Variants in SPOCK3 observed in about 807,000 individuals in gnomAD.
SPOCK3 encodes SPARC (osteonectin), cwcv and kazal like domains proteoglycan 3, also known as testican-3.
A neutral mutation model predicts 56.6 loss-of-function variants in SPOCK3; 30 were observed. The ratio of observed to expected loss-of-function variants is 0.53; its 90% CI spans 0.40 to 0.72. The LOEUF (loss-of-function observed/expected upper bound fraction) is 0.72. Ranked by LOEUF, SPOCK3 falls within the 30% of genes least tolerant of loss-of-function variation. The pLI is 0.00. For synonymous variants in SPOCK3, 196 were observed against 183.3 expected (o/e 1.07, Z -0.56); for missense variants, 527 against 530.0 (o/e 0.99, Z 0.06).
Position 167,234,084 on chromosome 4 carries a change from CCCGGCTGCAG to C in SPOCK3, c.80_89del (p.Ala27GlyfsTer51). ...GAAAATTACCGCCGTCCGACCGCCC[CCCGGCTGCAG>C]CCACCGCCGCGGCAGCTGCGAGAGA... is the stretch of plus-strand genomic sequence containing the variant. On this transcript the variant is annotated frameshift_variant, in exon 2 of 11. Coordinates refer to ENST00000357545, the MANE Select transcript of SPOCK3 (RefSeq NM_001040159.2). LOFTEE classifies it high-confidence loss of function. The C allele has an allele frequency of 6.2e-7, 1 of 1,613,934 alleles. No homozygotes were observed. The highest frequency in any genetic ancestry group is 8.5e-7 in the Non-Finnish European group (1 of 1,179,988).
chr4:166,879,209 A>G (rs1186763441), intron 6 of SPOCK3, among the ~76,000 whole-genome samples: 1 of 152,108 alleles, frequency 6.6e-6, no homozygotes, highest in Non-Finnish European at 1.5e-5. Flanking sequence ...CAGTTTCCTC[A>G]TGTTCCCAGC....
intron 2 of SPOCK3, among the ~76,000 whole-genome samples, chr4:167,098,850 T>G (rs1759389593): frequency 6.6e-6 from 1 of 152,046 alleles, no homozygotes; most frequent in African/African-American, 2.4e-5. Flanking sequence ...AAAAAGCCTC[T>G]CCAGATTCCC....
At chr4:167,166,617 G>T (rs778196148) in intron 2 of SPOCK3, among the ~76,000 whole-genome samples, 1 of 152,082 alleles carries the variant, frequency 6.6e-6, no homozygotes, top group South Asian at 2.1e-4. Flanking sequence ...CCTGGGGACT[G>T]GTTAATAGTG....
chr4:167,019,717 ACTG>A, intron 3 of SPOCK3, among the ~76,000 whole-genome samples: 1 of 152,114 alleles, frequency 6.6e-6, no homozygotes, highest in Non-Finnish European at 1.5e-5. Context: ...GTTAGGGACT[ACTG>A]AGCATTCTCC....
intron 2 of SPOCK3, among the ~76,000 whole-genome samples, chr4:167,127,933 C>T (rs908534198): frequency 3.3e-5 from 5 of 152,144 alleles, no homozygotes; most frequent in East Asian, 1.9e-4. Flanking sequence ...CAGAGGAAGA[C>T]CTTTGAAACA....
At chr4:166,853,745 G>T (rs1730374174) in intron 6 of SPOCK3, among the ~76,000 whole-genome samples, 1 of 152,098 alleles carries the variant, frequency 6.6e-6, no homozygotes, top group Non-Finnish European at 1.5e-5. Context: ...AGCTGGGCAT[G>T]GTGGCACGTG....
intron 2 of SPOCK3, among the ~76,000 whole-genome samples, chr4:167,132,189 T>C (rs938819151): frequency 6.6e-6 from 1 of 152,248 alleles, no homozygotes; most frequent in African/African-American, 2.4e-5. Context: ...TTAAAAATCA[T>C]TTGAATTCAA....
At chr4:167,087,309 G>A (rs1758286300) in intron 2 of SPOCK3, among the ~76,000 whole-genome samples, 2 of 152,036 alleles carry the variant, frequency 1.3e-5, no homozygotes, top group South Asian at 4.1e-4. Context: ...TTTGAAACTA[G>A]GCAGAGAATC....
chr4:167,084,578 T>C (rs1758016966), intron 2 of SPOCK3, among the ~76,000 whole-genome samples: 2 of 152,084 alleles, frequency 1.3e-5, no homozygotes, highest in Admixed American at 1.3e-4. Flanking sequence ...GAAAAGGTCA[T>C]AGTGATGACT....
intron 6 of SPOCK3, among the ~76,000 whole-genome samples, chr4:166,868,357 G>A (rs1345312209): frequency 6.6e-6 from 1 of 151,916 alleles, no homozygotes; most frequent in Non-Finnish European, 1.5e-5. Context: ...CTAATCAGGA[G>A]GCTGGGGTGG....
At chr4:167,061,960 C>G (rs548692668) in intron 3 of SPOCK3, among the ~76,000 whole-genome samples, 1 of 151,664 alleles carries the variant, frequency 6.6e-6, no homozygotes, top group African/African-American at 2.4e-5. Flanking sequence ...TTCTTGTTTT[C>G]CTTTTAAAGG....
At chr4:166,842,580 T>C (rs766075435) in intron 6 of SPOCK3, among the ~76,000 whole-genome samples, 16 of 152,222 alleles carry the variant, frequency 1.1e-4, no homozygotes, top group Admixed American at 2.0e-4. Flanking sequence ...AGAGTGCTGA[T>C]TGGTGTATTT....
intron 8 of SPOCK3, among the ~76,000 whole-genome samples, chr4:166,752,321 C>T (rs546586901): frequency 6.6e-6 from 1 of 152,176 alleles, no homozygotes; most frequent in South Asian, 2.1e-4. Flanking sequence ...CTGTGCCCAG[C>T]TGAAATTTAC....
At chr4:167,168,372 G>A (rs1336449998) in intron 2 of SPOCK3, among the ~76,000 whole-genome samples, 1 of 152,152 alleles carries the variant, frequency 6.6e-6, no homozygotes, top group Non-Finnish European at 1.5e-5. Flanking sequence ...TCAGAAGGCA[G>A]GAAGATGTGG....
At chr4:167,025,543 G>A (rs557093295) in intron 3 of SPOCK3, among the ~76,000 whole-genome samples, 2 of 151,900 alleles carry the variant, frequency 1.3e-5, no homozygotes, top group African/African-American at 2.4e-5. Context: ...GATCATCCAG[G>A]GGTTTCTCCT....
intron 2 of SPOCK3, among the ~76,000 whole-genome samples, chr4:167,212,904 T>A (rs1263052348): frequency 6.6e-6 from 1 of 152,196 alleles, no homozygotes; most frequent in Non-Finnish European, 1.5e-5. Flanking sequence ...TTTTGAATAT[T>A]TTTCAAGCTA....
At chr4:166,857,499 C>T (rs111427052) in intron 6 of SPOCK3, among the ~76,000 whole-genome samples, 14 of 152,276 alleles carry the variant, frequency 9.2e-5, no homozygotes, top group African/African-American at 3.1e-4. Flanking sequence ...TTCTTTTCAT[C>T]CATTATGGAG....
chr4:166,950,491 C>CT (rs1243119175), intron 4 of SPOCK3, among the ~76,000 whole-genome samples: 1 of 151,694 alleles, frequency 6.6e-6, no homozygotes, highest in African/African-American at 2.4e-5. Flanking sequence ...TAATGGGAGA[C>CT]TTTAACACCC....
chr4:166,830,769 A>C (rs551325430), intron 6 of SPOCK3, among the ~76,000 whole-genome samples: 9 of 152,188 alleles, frequency 5.9e-5, no homozygotes, highest in Admixed American at 5.9e-4. Context: ...TCCGACAATC[A>C]TATCTTCTCG....
Sources: gnomAD v4.1 joint callset for allele counts (sites outside exome capture counted in the v4.1 genomes callset) on GRCh38, gnomAD v4.1.1 for gene constraint, MANE v1.5 for transcripts, NCBI Gene and HGNC (gene_info 2026-07-23, HGNC 2026-07-21) for gene names.